Variants in ERBB4 observed in about 807,000 individuals in gnomAD.
ERBB4 encodes erb-b2 receptor tyrosine kinase 4.
In ERBB4, 42 loss-of-function variants were observed where a neutral mutation model predicts 158.0. The observed-to-expected ratio is 0.27, with a 90% CI of 0.21 to 0.34. The LOEUF (loss-of-function observed/expected upper bound fraction) is 0.34. ERBB4 is among the 10% of genes least tolerant of loss of function. The pLI, the probability that ERBB4 is intolerant of heterozygous loss-of-function variation, is 1.00. For missense variants in ERBB4, 1,333 were observed against 1,624.1 expected (o/e 0.82, Z 3.08); for synonymous variants, 583 against 558.7 (o/e 1.04, Z -0.61).
chr2:211,774,766 C>T (rs1182329421), intron 4 of ERBB4, among the ~76,000 whole-genome samples: 1 of 152,100 alleles, frequency 6.6e-6, no homozygotes, highest in African/African-American at 2.4e-5. Context: ...GTTGGGTTAA[C>T]AGTGAAAATA....
At chr2:211,901,395 G>A (rs983990902) in intron 3 of ERBB4, among the ~76,000 whole-genome samples, 5 of 152,182 alleles carry the variant, frequency 3.3e-5, no homozygotes, top group Non-Finnish European at 4.4e-5. Flanking sequence ...GGTGCATGGT[G>A]TTACACTGTG....
At chr2:211,854,142 T>C (rs1050445118) in intron 3 of ERBB4, among the ~76,000 whole-genome samples, 1 of 152,106 alleles carries the variant, frequency 6.6e-6, no homozygotes, top group Admixed American at 6.6e-5. Context: ...CCTAGACCTA[T>C]ATTTTATGAA....
chr2:212,040,945 T>C lies in ERBB4; in HGVS notation c.234+83807A>G, dbSNP rs571861884. 5.3e-5 allele frequency among the ~76,000 whole-genome samples: 8 copies of C among 152,258 alleles called. No homozygotes were observed. The South Asian group carries it at 1.7e-3, about 32-fold the overall frequency. On this transcript the variant is annotated intron_variant, in intron 2 of 27. Transcript: ENST00000342788. ...CTCTTTTAACTATTCTGTTCTAATC[T>C]GAATACGGAAACTTTTCAGGAGAGG...
intron 1 of ERBB4, among the ~76,000 whole-genome samples, chr2:212,341,070 G>A (rs985347237): frequency 6.6e-6 from 1 of 151,678 alleles, no homozygotes; most frequent in Non-Finnish European, 1.5e-5. Context: ...TAATCTTATT[G>A]GAAATCCTTT....
intron 16 of ERBB4, among the ~76,000 whole-genome samples, chr2:211,636,741 G>T (rs1422350715): frequency 6.6e-6 from 1 of 151,654 alleles, no homozygotes; most frequent in Non-Finnish European, 1.5e-5. Flanking sequence ...GTATGTTGGG[G>T]TATGTGTGTA....
At chr2:211,414,837 T>C (rs972370300) in intron 25 of ERBB4, among the ~76,000 whole-genome samples, 3 of 152,126 alleles carry the variant, frequency 2.0e-5, no homozygotes, top group Non-Finnish European at 2.9e-5. Flanking sequence ...CTTTTTCTTA[T>C]CATTTGTAAG....
intron 1 of ERBB4, among the ~76,000 whole-genome samples, chr2:212,165,070 T>C (rs1295585170): frequency 6.6e-6 from 1 of 151,954 alleles, no homozygotes; most frequent in African/African-American, 2.4e-5. Flanking sequence ...GTCGACTTTG[T>C]CCATCCCCTC....
At chr2:211,884,098 C>A (rs566287678) in intron 3 of ERBB4, among the ~76,000 whole-genome samples, 2 of 152,094 alleles carry the variant, frequency 1.3e-5, no homozygotes, top group African/African-American at 4.8e-5. Flanking sequence ...TAGAGACTAG[C>A]CTATTCTAAG....
intron 20 of ERBB4, among the ~76,000 whole-genome samples, chr2:211,500,345 G>C (rs2065586207): frequency 6.6e-6 from 1 of 151,954 alleles, no homozygotes; most frequent in Admixed American, 6.6e-5. Context: ...AGCAATTTAG[G>C]AGAGCTCTAG....
chr2:212,379,750 G>C (rs758542006), intron 1 of ERBB4, among the ~76,000 whole-genome samples: 9 of 151,114 alleles, frequency 6.0e-5, no homozygotes, highest in Non-Finnish European at 1.0e-4. Flanking sequence ...TATTTTGGGG[G>C]AAAAACACTC....
chr2:212,136,014 T>G (rs2080259830), intron 1 of ERBB4, among the ~76,000 whole-genome samples: 1 of 152,144 alleles, frequency 6.6e-6, no homozygotes, highest in South Asian at 2.1e-4. Flanking sequence ...CAAACATCTT[T>G]CTTCTCTAGA....
intron 1 of ERBB4, among the ~76,000 whole-genome samples, chr2:212,378,755 C>A (rs1212129591): frequency 6.6e-6 from 1 of 151,834 alleles, no homozygotes; most frequent in African/African-American, 2.4e-5. Flanking sequence ...AACACATGGT[C>A]TACACCAGAT....
At chr2:212,195,750 CAT>C (rs1466160583) in intron 1 of ERBB4, among the ~76,000 whole-genome samples, 11 of 151,926 alleles carry the variant, frequency 7.2e-5, no homozygotes, top group African/African-American at 2.4e-4. Context: ...ATATTAAAAG[CAT>C]ATTTCAAAGA....
rs927399897 is a variant in ERBB4, at chr2:211,400,819, A to G, written c.3136-12827T>C. On this transcript the variant is annotated intron_variant, in intron 25 of 27. Transcript: ENST00000342788. ...GTAACACAAAGGACAAATGTTTGAG[A>G]TGATGGAAACCCTATTTACCCTGAT... 3.9e-5 allele frequency among the ~76,000 whole-genome samples: 6 copies of G among 152,074 alleles called. No homozygotes were observed. In the East Asian group the frequency reaches 1.2e-3, roughly 29 times the overall value.
chr2:211,393,885 A>T (rs2062856765), intron 25 of ERBB4, among the ~76,000 whole-genome samples: 1 of 151,662 alleles, frequency 6.6e-6, no homozygotes, highest in South Asian at 2.1e-4. Context: ...CTGAAGCAGG[A>T]GGAGACAATT....
At chr2:211,743,497 A>C (rs2074862521) in intron 5 of ERBB4, among the ~76,000 whole-genome samples, 1 of 152,184 alleles carries the variant, frequency 6.6e-6, no homozygotes, top group Admixed American at 6.5e-5. Flanking sequence ...ATCTACTTTA[A>C]ATGAGATAAG....
At chr2:211,616,669 T>C (rs2069404313) in intron 19 of ERBB4, among the ~76,000 whole-genome samples, 1 of 152,142 alleles carries the variant, frequency 6.6e-6, no homozygotes, top group Non-Finnish European at 1.5e-5. Flanking sequence ...TCACCGTTGA[T>C]GTTGCCAGTT....
intron 3 of ERBB4, among the ~76,000 whole-genome samples, chr2:211,928,470 G>A (rs2080079614): frequency 1.3e-5 from 2 of 152,116 alleles, no homozygotes; most frequent in Non-Finnish European, 2.9e-5. Context: ...TGGTAAGAGG[G>A]CTCGGACTTC....
chr2:211,476,417 T>G (rs930413004), intron 20 of ERBB4, among the ~76,000 whole-genome samples: 1 of 151,938 alleles, frequency 6.6e-6, no homozygotes, highest in Non-Finnish European at 1.5e-5. Flanking sequence ...AGAGTTGAAT[T>G]TGAGGAAGAG....
Sources: allele counts gnomAD v4.1 joint callset (sites outside exome capture counted in the v4.1 genomes callset), GRCh38; gene constraint gnomAD v4.1.1; transcripts MANE v1.5; gene names NCBI Gene and HGNC (gene_info 2026-07-23, HGNC 2026-07-21).